The following UNC13C variants were observed in gnomAD, a reference collection of about 807,000 sequenced individuals.
The protein encoded by UNC13C is unc-13 homolog C.
A neutral mutation model predicts 245.4 loss-of-function variants in UNC13C; 174 were observed. The ratio of observed to expected loss-of-function variants is 0.71; its 90% CI spans 0.63 to 0.80. The LOEUF is 0.80. Among genes scored for constraint, UNC13C ranks in the 30% least tolerant of loss-of-function variants. The pLI, the probability that UNC13C is intolerant of heterozygous loss-of-function variation, is 0.00. For missense variants in UNC13C, 2,829 were observed against 2,602.9 expected, an observed-to-expected ratio of 1.09 and a Z score of -1.89; for synonymous variants, 992 against 895.1, an observed-to-expected ratio of 1.11 and a Z score of -1.93.
chr15:54,385,124 C>T (rs1416132143), intron 17 of UNC13C, among the ~76,000 whole-genome samples: 1 of 152,002 alleles, frequency 6.6e-6, no homozygotes, highest in Non-Finnish European at 1.5e-5. Flanking sequence ...AGCAATCCCG[C>T]TACTGGGAAA....
intron 19 of UNC13C, among the ~76,000 whole-genome samples, chr15:54,445,457 GCA>G (rs1890756623): frequency 6.6e-6 from 1 of 152,102 alleles, no homozygotes; most frequent in Non-Finnish European, 1.5e-5. Context: ...ATCCTCTCCA[GCA>G]CCTGTTGTTT....
In UNC13C at chr15:54,438,519, C is replaced by T. The variant is rs571601562; in HGVS notation, c.4933+23452C>T. On this transcript the variant is annotated intron_variant, in intron 19 of 32. Transcript: ENST00000260323. ...ACATAAGGAGTCCTCTTTCTTAGTT[C>T]CTGGTTACATATAACTAGAATCTTC... is the stretch of plus-strand genomic sequence containing the variant. Among the ~76,000 whole-genome samples, 12 of 152,042 alleles carry T rather than the reference C, an allele frequency of 7.9e-5. No individual in the cohort carries two copies. The East Asian group carries it at 1.6e-3, about 20-fold the overall frequency.
intron 4 of UNC13C, among the ~76,000 whole-genome samples, chr15:54,229,258 C>T (rs949232611): frequency 1.3e-5 from 2 of 152,286 alleles, no homozygotes; most frequent in African/African-American, 2.4e-5. Context: ...AGTAATTATA[C>T]GGTGTCATTC....
At chr15:53,975,633 ACTTGATT>A (rs2140938601), upstream of UNC13C, among the ~76,000 whole-genome samples, 2 of 152,242 alleles carry the variant, frequency 1.3e-5, no homozygotes, top group South Asian at 4.1e-4. Context: ...TGACCCCTTT[ACTTGATT>A]CTTTTGGTTT....
intron 19 of UNC13C, among the ~76,000 whole-genome samples, chr15:54,437,085 C>T (rs1890260323): frequency 6.6e-6 from 1 of 151,836 alleles, no homozygotes; most frequent in Non-Finnish European, 1.5e-5. Flanking sequence ...ATGCATTCAC[C>T]GATTTGGCAT....
chr15:54,298,564 G>T (rs1040896417), intron 12 of UNC13C, among the ~76,000 whole-genome samples: 26 of 152,064 alleles, frequency 1.7e-4, no homozygotes, highest in African/African-American at 5.8e-4. Flanking sequence ...ATGAAGATGT[G>T]GTTACTCACC....
intron 19 of UNC13C, among the ~76,000 whole-genome samples, chr15:54,474,494 G>A (rs547794847): frequency 6.6e-6 from 1 of 151,556 alleles, no homozygotes; most frequent in South Asian, 2.1e-4. Context: ...AATTATTCAT[G>A]TCCCTTGCCT....
intron 2 of UNC13C, among the ~76,000 whole-genome samples, chr15:54,019,605 C>T (rs1595723194): frequency 6.6e-6 from 1 of 152,230 alleles, no homozygotes; most frequent in South Asian, 2.1e-4. Context: ...GTTTTCCTAG[C>T]AGAAGACCAA....
At chr15:53,990,066 G>A (rs868705755) in intron 1 of UNC13C, among the ~76,000 whole-genome samples, 13 of 152,114 alleles carry the variant, frequency 8.5e-5, no homozygotes, top group Middle Eastern at 3.4e-3. Flanking sequence ...TTGTCCAAAA[G>A]CTAAACGGGC....
At chr15:53,852,470 T>G in the UNC13C span, among the ~76,000 whole-genome samples, 2 of 152,134 alleles carry the variant, frequency 1.3e-5, no homozygotes, top group Admixed American at 6.5e-5. Context: ...TCCCTACGTA[T>G]GTACAGATGG....
intron 10 of UNC13C, among the ~76,000 whole-genome samples, chr15:54,278,440 T>A (rs1484428044): frequency 6.6e-6 from 1 of 152,116 alleles, no homozygotes; most frequent in African/African-American, 2.4e-5. Flanking sequence ...AATGGCTGAA[T>A]TTCTGGAAAA....
Position 54,412,277 on chromosome 15 carries a change from C to G in UNC13C, c.4848-2705C>G, listed in dbSNP as rs538585360. ...AAAGAGGTTTAATTGACTCACAGTT[C>G]CACATGGTGAGGGAGGCCTCAGGAA... On this transcript the variant is annotated intron_variant, in intron 18 of 32. Coordinates refer to ENST00000260323, the MANE Select transcript of UNC13C (RefSeq NM_001080534.3). 7.9e-5 allele frequency among the ~76,000 whole-genome samples: 12 copies of G among 152,084 alleles called. 1 individual carries two copies. The highest frequency in any genetic ancestry group is 2.6e-4 in the Admixed American group (4 of 15,270).
chr15:54,287,733 T>C (rs1401547633), intron 10 of UNC13C, among the ~76,000 whole-genome samples: 1 of 152,016 alleles, frequency 6.6e-6, no homozygotes, highest in African/African-American at 2.4e-5. Context: ...GCAGGAGAGG[T>C]TGGGAAATTG....
intron 30 of UNC13C, among the ~76,000 whole-genome samples, chr15:54,595,658 T>C (rs1346727054): frequency 6.6e-6 from 1 of 152,196 alleles, no homozygotes; most frequent in Non-Finnish European, 1.5e-5. Context: ...GGCAATTGTG[T>C]TCAGATCTTA....
intron 18 of UNC13C, among the ~76,000 whole-genome samples, chr15:54,414,579 A>C (rs1465394618): frequency 1.3e-5 from 2 of 152,104 alleles, no homozygotes; most frequent in Admixed American, 1.3e-4. Context: ...CCCGGGAGGC[A>C]GAGATTGCAG....
At chr15:54,285,389 A>G (rs1041997589) in intron 10 of UNC13C, among the ~76,000 whole-genome samples, 2 of 152,212 alleles carry the variant, frequency 1.3e-5, no homozygotes, top group Non-Finnish European at 2.9e-5. Context: ...TTTGAAGATA[A>G]TAGTGTTAGG....
chr15:54,041,653 C>T (rs774762921), intron 2 of UNC13C, among the ~76,000 whole-genome samples: 5 of 152,296 alleles, frequency 3.3e-5, no homozygotes, highest in Non-Finnish European at 7.4e-5. Context: ...AGTTGTGTGA[C>T]ATTGGCCAAG....
the UNC13C span, among the ~76,000 whole-genome samples, chr15:53,953,838 C>T: frequency 6.6e-6 from 1 of 152,254 alleles, no homozygotes; most frequent in Non-Finnish European, 1.5e-5. Flanking sequence ...TCACAAAACT[C>T]TCCTTGCTCT....
intron 19 of UNC13C, among the ~76,000 whole-genome samples, chr15:54,492,492 CAT>C (rs1230932670): frequency 2.0e-4 from 31 of 151,946 alleles, no homozygotes; most frequent in African/African-American, 6.5e-4. Flanking sequence ...TGTATATTAA[CAT>C]AGAAATTTAC....
Sources: allele counts gnomAD v4.1 joint callset (sites outside exome capture counted in the v4.1 genomes callset), GRCh38; gene constraint gnomAD v4.1.1; transcripts MANE v1.5; gene names NCBI Gene and HGNC (gene_info 2026-07-23, HGNC 2026-07-21).